Variants in SEMA3D observed in about 807,000 individuals in gnomAD.
SEMA3D encodes the protein semaphorin-3D.
In SEMA3D, 84 loss-of-function variants were observed where a neutral mutation model predicts 100.1. That is an observed-to-expected ratio of 0.84 (90% CI 0.70 to 1.01). The LOEUF is 1.01. Among genes scored for constraint, SEMA3D ranks in the 50% least tolerant of loss-of-function variants. The pLI is 0.00. For synonymous variants in SEMA3D, 312 were observed against 320.7 expected, an observed-to-expected ratio of 0.97 and a Z score of 0.29; for missense variants, 875 against 934.1, an observed-to-expected ratio of 0.94 and a Z score of 0.82.
At chr7:85,139,805 T>C (rs914621361) in intron 2 of SEMA3D, among the ~76,000 whole-genome samples, 2 of 152,012 alleles carry the variant, frequency 1.3e-5, no homozygotes, top group Non-Finnish European at 2.9e-5. Context: ...TGTATTTTCT[T>C]CTTTTTGTGA....
At chr7:85,103,242 C>G (rs546808525) in intron 3 of SEMA3D, among the ~76,000 whole-genome samples, 1 of 151,922 alleles carries the variant, frequency 6.6e-6, no homozygotes, top group African/African-American at 2.4e-5. Context: ...TATCTTAACA[C>G]GTAAAGCTAA....
At chr7:85,232,490 C>T in the SEMA3D span, among the ~76,000 whole-genome samples, 1 of 152,142 alleles carries the variant, frequency 6.6e-6, no homozygotes, top group Admixed American at 6.5e-5. Context: ...AGTATTTATG[C>T]TTGGGCAAGT....
intron 1 of SEMA3D, among the ~76,000 whole-genome samples, chr7:85,184,971 C>T (rs1047859455): frequency 1.3e-5 from 2 of 152,166 alleles, no homozygotes; most frequent in East Asian, 3.9e-4. Context: ...GCTGTCTGGC[C>T]TCGGAGAAGG....
chr7:85,207,583 G>C, the SEMA3D span, among the ~76,000 whole-genome samples: 1 of 151,870 alleles, frequency 6.6e-6, no homozygotes, highest in Non-Finnish European at 1.5e-5. Context: ...TTAAGACCTG[G>C]GTGAAAATTC....
At chr7:85,240,927 G>T in the SEMA3D span, among the ~76,000 whole-genome samples, 4 of 151,784 alleles carry the variant, frequency 2.6e-5, no homozygotes, top group African/African-American at 9.7e-5. Context: ...TCTGACAAAG[G>T]ACTAATATCT....
chr7:85,241,467 G>GTGTGTGTATATATATATATATATATATA, the SEMA3D span, among the ~76,000 whole-genome samples: 4 of 91,964 alleles, frequency 4.3e-5, no homozygotes, highest in African/African-American at 1.7e-4. Context: ...CTGTGTGTGT[G>GTGTGTGTATATATATATATATATATATA]TATATATATA....
chr7:85,168,820 T>TAGAAA (rs759667781), intron 1 of SEMA3D, among the ~76,000 whole-genome samples: 2 of 121,070 alleles, frequency 1.7e-5, no homozygotes, highest in Non-Finnish European at 3.5e-5. Context: ...GAAAGAAAGA[T>TAGAAA]GAAAGAAAGA....
intron 1 of SEMA3D, among the ~76,000 whole-genome samples, chr7:85,171,560 CT>C (rs1791082595): frequency 6.6e-6 from 1 of 151,304 alleles, no homozygotes; most frequent in African/African-American, 2.5e-5. Flanking sequence ...CAAGATCAAC[CT>C]TTTTTTAGTG....
At chr7:85,159,386 G>A (rs1641531438) in intron 1 of SEMA3D, among the ~76,000 whole-genome samples, 1 of 152,052 alleles carries the variant, frequency 6.6e-6, no homozygotes, top group African/African-American at 2.4e-5. Context: ...AATCTAAAGT[G>A]CCAGACTCAA....
intron 3 of SEMA3D, among the ~76,000 whole-genome samples, chr7:85,104,625 A>C (rs1349986013): frequency 1.3e-5 from 2 of 152,014 alleles, no homozygotes; most frequent in African/African-American, 2.4e-5. Context: ...AGTCATATTG[A>C]ATCTAATAAA....
At chr7:85,128,675 A>G (rs182780941) in intron 2 of SEMA3D, among the ~76,000 whole-genome samples, 31 of 151,866 alleles carry the variant, frequency 2.0e-4, no homozygotes, top group Admixed American at 4.6e-4. Context: ...TTTATAATCT[A>G]TATCTAATAT....
chr7:85,057,974 T>A (rs1791369615), intron 8 of SEMA3D, among the ~76,000 whole-genome samples: 1 of 152,076 alleles, frequency 6.6e-6, no homozygotes, highest in Non-Finnish European at 1.5e-5. Flanking sequence ...GGATTCCGAG[T>A]GATGGGTATT....
At chr7:85,136,861 G>A (rs547900196) in intron 2 of SEMA3D, among the ~76,000 whole-genome samples, 3 of 152,072 alleles carry the variant, frequency 2.0e-5, no homozygotes, top group Non-Finnish European at 4.4e-5. Context: ...TTAGCGGAAA[G>A]TGCTCTGAGT....
the SEMA3D span, among the ~76,000 whole-genome samples, chr7:85,236,801 A>C: frequency 1.3e-5 from 2 of 152,188 alleles, no homozygotes; most frequent in East Asian, 3.9e-4. Context: ...ATTTGAATTA[A>C]GCCAGATAAT....
At chr7:85,003,381 ATTAAT>A (rs1466252854) in intron 18 of SEMA3D, among the ~76,000 whole-genome samples, 2 of 152,218 alleles carry the variant, frequency 1.3e-5, no homozygotes, top group East Asian at 3.9e-4. Context: ...TAACTACTAG[ATTAAT>A]TTACTATCTT....
chr7:85,106,901 T>C (rs1173812916), intron 3 of SEMA3D, among the ~76,000 whole-genome samples: 1 of 152,010 alleles, frequency 6.6e-6, no homozygotes. Flanking sequence ...ACCGCCCTCA[T>C]GATTCAATTA....
chr7:85,012,000 C>T (rs1459083377), intron 17 of SEMA3D, among the ~76,000 whole-genome samples: 1 of 151,490 alleles, frequency 6.6e-6, no homozygotes, highest in Non-Finnish European at 1.5e-5. Flanking sequence ...GATCTTAAGG[C>T]AGAGCTTGAG....
upstream of SEMA3D, among the ~76,000 whole-genome samples, chr7:85,188,298 T>C (rs1276470312): frequency 6.6e-6 from 1 of 152,230 alleles, no homozygotes; most frequent in Non-Finnish European, 1.5e-5. Flanking sequence ...TTGTGTCTCA[T>C]GCTGCCCCAT....
chr7:85,171,960 GGT>G (rs905905623), intron 1 of SEMA3D, among the ~76,000 whole-genome samples: 2 of 149,488 alleles, frequency 1.3e-5, no homozygotes, highest in African/African-American at 4.9e-5. Flanking sequence ...TGTGTGTGTG[GGT>G]GTGTGTGTGG....
Sources: gnomAD v4.1 joint callset for allele counts (sites outside exome capture counted in the v4.1 genomes callset) on GRCh38, gnomAD v4.1.1 for gene constraint, MANE v1.5 for transcripts, NCBI Gene and HGNC (gene_info 2026-07-23, HGNC 2026-07-21) for gene names.